GALNT7: variants seen among roughly 807,000 people sequenced by gnomAD.
GALNT7 encodes the protein polypeptide N-acetylgalactosaminyltransferase 7, also known as N-acetylgalactosaminyltransferase 7.
GALNT7 carries 60 observed loss-of-function variants against 82.1 expected under a neutral mutation model. That is an observed-to-expected ratio of 0.73 (90% CI 0.59 to 0.91). The LOEUF (loss-of-function observed/expected upper bound fraction) is 0.91. GALNT7 is among the 40% of genes least tolerant of loss of function. GALNT7 has a pLI of 0.00. For synonymous variants in GALNT7, 243 were observed against 275.1 expected (o/e 0.88, Z 1.15); for missense variants, 660 against 804.2 (o/e 0.82, Z 2.17).
intron 1 of GALNT7, among the ~76,000 whole-genome samples, chr4:173,234,180 G>C (rs1328138585): frequency 6.6e-6 from 1 of 152,256 alleles, no homozygotes; most frequent in African/African-American, 2.4e-5. Flanking sequence ...CTAGTCATCT[G>C]TCTCTTCTAT....
At chr4:173,275,476 A>G (rs1735869806) in intron 2 of GALNT7, among the ~76,000 whole-genome samples, 1 of 152,210 alleles carries the variant, frequency 6.6e-6, no homozygotes, top group Admixed American at 6.5e-5. Flanking sequence ...AAATGGAAAT[A>G]AACACAAATA....
At chr4:173,286,194 A>T (rs987700957) in intron 2 of GALNT7, among the ~76,000 whole-genome samples, 1 of 152,226 alleles carries the variant, frequency 6.6e-6, no homozygotes, top group Admixed American at 6.5e-5. Flanking sequence ...AGTGATCTTC[A>T]TCATTCCTTT....
intron 2 of GALNT7, among the ~76,000 whole-genome samples, chr4:173,249,947 C>T (rs1305722529): frequency 2.0e-5 from 3 of 152,160 alleles, no homozygotes; most frequent in African/African-American, 7.2e-5. Flanking sequence ...TACAGAGGTG[C>T]TTTGCGAAAT....
intron 1 of GALNT7, among the ~76,000 whole-genome samples, chr4:173,216,060 G>A (rs1733443987): frequency 6.6e-6 from 1 of 152,184 alleles, no homozygotes; most frequent in South Asian, 2.1e-4. Flanking sequence ...AAAAGCAGAT[G>A]TTGCAGTGAG....
chr4:173,209,708 G>A (rs908803954), intron 1 of GALNT7, among the ~76,000 whole-genome samples: 1 of 150,820 alleles, frequency 6.6e-6, no homozygotes, highest in Admixed American at 6.6e-5. Flanking sequence ...AGGCCATTTC[G>A]TCAGGCTCCC....
chr4:173,318,698 G>T, intron 11 of GALNT7, 139 bp downstream of exon 11: 1 of 580,356 alleles, frequency 1.7e-6, no homozygotes, highest in South Asian at 2.1e-5. Flanking sequence ...CCCTTGCATA[G>T]GTTTTCCTGA....
Position 173,292,772 on chromosome 4 carries a change from C to T in GALNT7, c.754+498C>T, listed in dbSNP as rs1332942234. ...ATATGGCCTATTTTTCCTTTCATCT[C>T]TGTGCAGCTGATCCTTTTATTAACT... On this transcript the variant is annotated intron_variant, in intron 3 of 11. Transcript: ENST00000265000. This position sits in a 1 kb window ranked among gnomAD's most constrained non-coding sequence, Gnocchi z 4.8. 6.6e-6 allele frequency among the ~76,000 whole-genome samples: 1 copy of T among 152,272 alleles called. No homozygotes were observed. The highest frequency in any genetic ancestry group is 1.5e-5 in the Non-Finnish European group (1 of 67,994).
intron 1 of GALNT7, among the ~76,000 whole-genome samples, chr4:173,186,737 G>C (rs1732472509): frequency 6.6e-6 from 1 of 151,766 alleles, no homozygotes; most frequent in African/African-American, 2.4e-5. Flanking sequence ...TAAATGAACA[G>C]TGTTCTCAAA....
intron 1 of GALNT7, among the ~76,000 whole-genome samples, chr4:173,227,395 G>A (rs1161129039): frequency 3.3e-5 from 5 of 152,192 alleles, no homozygotes; most frequent in East Asian, 1.9e-4. Context: ...GCAGTGACTC[G>A]ATCTTGGCTC....
In GALNT7 at chr4:173,295,378, AT is replaced by A; in HGVS notation, c.755-16del. The A allele has an allele frequency of 1.3e-6, 2 of 1,507,750 alleles. No individual in the cohort carries two copies. Among genetic ancestry groups the A allele is most frequent in the Non-Finnish European group, 1.8e-6 (2 of 1,086,020 alleles). The allele number at this position is 1,507,750 out of a possible 1,614,324, so 93.4% of individuals were successfully genotyped here. ...TCTATTCGTCTAATTTATAATATCGATTGATTTTTCTTAACAGAACACTTAA... is the reference window on the plus strand; with the variant it reads ...TCTATTCGTCTAATTTATAATATCGATGATTTTTCTTAACAGAACACTTAA... On this transcript the variant is annotated splice_polypyrimidine_tract_variant and intron_variant, in intron 3 of 11. Transcript: ENST00000265000.
intron 1 of GALNT7, among the ~76,000 whole-genome samples, chr4:173,204,031 C>T (rs1733020021): frequency 6.6e-6 from 1 of 152,184 alleles, no homozygotes. Flanking sequence ...TGGTGATTAA[C>T]TCCCTCAGCT....
rs769445774 is a variant in GALNT7 at position 173,248,218 on chromosome 4, A to G, written c.365A>G (p.Tyr122Cys). 8.1e-6 allele frequency: 13 copies of G among 1,613,932 alleles called. No individual in the cohort carries two copies. The highest frequency in any genetic ancestry group is 1.0e-5 in the Non-Finnish European group (12 of 1,179,838). ...YLTFKPQTFTYHDPVLRPGIL... is the reference protein window; with the variant it reads ...YLTFKPQTFTCHDPVLRPGIL... ...ACATTTAAGCCTCAGACATTCACCTACCATGATCCTGTGCTTCGCCCAGGG... is the reference window on the plus strand; with the variant it reads ...ACATTTAAGCCTCAGACATTCACCTGCCATGATCCTGTGCTTCGCCCAGGG... The change falls in exon 2 of 12, where the codon TAC (tyrosine) becomes TGC (cysteine). Residue 122 changes from tyrosine (Y) to cysteine (C), a missense_variant. Physicochemically the swap from Tyr to Cys is radical, Grantham distance 194. Transcript: ENST00000265000.
intron 1 of GALNT7, among the ~76,000 whole-genome samples, chr4:173,216,670 T>C (rs1733472963): frequency 6.8e-6 from 1 of 146,848 alleles, no homozygotes. Context: ...GGCTACTGTC[T>C]TGTAGTTTCA....
intron 2 of GALNT7, among the ~76,000 whole-genome samples, chr4:173,259,343 A>G (rs1304117444): frequency 1.3e-5 from 2 of 152,076 alleles, no homozygotes; most frequent in Non-Finnish European, 2.9e-5. Context: ...AGGCTCCATC[A>G]TGGCAGATCT....
At chr4:173,321,252 A>G (rs1234451117) in intron 11 of GALNT7, among the ~76,000 whole-genome samples, 1 of 152,140 alleles carries the variant, frequency 6.6e-6, no homozygotes, top group African/African-American at 2.4e-5. Context: ...TTTCCTAAGG[A>G]CTAGAGAGCT....
At chr4:173,276,551 A>T (rs1735919360) in intron 2 of GALNT7, among the ~76,000 whole-genome samples, 1 of 152,220 alleles carries the variant, frequency 6.6e-6, no homozygotes, top group African/African-American at 2.4e-5. Context: ...TATCAAGAAA[A>T]GAATAGTCTA....
In GALNT7 at chr4:173,248,285, A is replaced by G. The variant is rs1734733484; in HGVS notation, c.432A>G (p.Gly144=). 7 of 1,613,754 alleles carry G rather than the reference A, an allele frequency of 4.3e-6. No individual in the cohort carries two copies. In the South Asian group the frequency reaches 6.6e-5, roughly 15 times the overall value. ...NFEPKEPEPP[G]VVGGPGEKAK... Reference sequence around the variant, plus strand: ...AACCCAAAGAACCTGAGCCTCCTGGAGTGGTTGGTGGCCCTGGAGAGAAAG... The same window carrying G: ...AACCCAAAGAACCTGAGCCTCCTGGGGTGGTTGGTGGCCCTGGAGAGAAAG... Residue 144 remains glycine (G), a synonymous_variant, in exon 2 of 12, where the codon GGA becomes GGG. Transcript: ENST00000265000.
At chr4:173,170,167 C>T (rs1731811404) in intron 1 of GALNT7, among the ~76,000 whole-genome samples, 1 of 152,168 alleles carries the variant, frequency 6.6e-6, no homozygotes, top group Non-Finnish European at 1.5e-5. Context: ...CCTGCTTCCT[C>T]CTCCCCGCTG....
At chr4:173,200,040 C>A (rs1732896849) in intron 1 of GALNT7, among the ~76,000 whole-genome samples, 1 of 152,170 alleles carries the variant, frequency 6.6e-6, no homozygotes. Context: ...TCTATTGCTG[C>A]AAATATTCAT....
Sources: gnomAD v4.1 joint callset for allele counts (sites outside exome capture counted in the v4.1 genomes callset) on GRCh38, gnomAD v4.1.1 for gene constraint, Gnocchi (gnomAD v3.1) non-coding constraint, MANE v1.5 for transcripts, NCBI Gene and HGNC (gene_info 2026-07-23, HGNC 2026-07-21) for gene names.